NLGN1: variants seen among roughly 807,000 people sequenced by gnomAD.
The protein encoded by NLGN1 is neuroligin-1.
Under a neutral mutation model 65.5 loss-of-function variants are expected in NLGN1, and 12 were observed. The observed-to-expected ratio is 0.18, with a 90% CI of 0.12 to 0.30. NLGN1 has a LOEUF of 0.30. Among genes scored for constraint, NLGN1 ranks in the 10% least tolerant of loss-of-function variants. The pLI is 1.00. For missense variants in NLGN1, 750 were observed against 1,007.1 expected (o/e 0.74, Z 3.46); for synonymous variants, 350 against 359.5 (o/e 0.97, Z 0.30).
At chr3:173,907,020 T>C (rs1006142939) in intron 4 of NLGN1, among the ~76,000 whole-genome samples, 1 of 152,168 alleles carries the variant, frequency 6.6e-6, no homozygotes, top group Non-Finnish European at 1.5e-5. Context: ...TTGGGCATTT[T>C]CCTGCAAGAA....
chr3:173,977,569 A>G lies in NLGN1; in HGVS notation c.646+169737A>G, dbSNP rs896656961. On this transcript the variant is annotated intron_variant, in intron 4 of 6. Transcript: ENST00000457714. Reference sequence around the variant, plus strand: ...AGCAGGAATTAACAATTTTTATACTAGAAGACAGAGGTTCCAAGGATGACT... The same window carrying G: ...AGCAGGAATTAACAATTTTTATACTGGAAGACAGAGGTTCCAAGGATGACT... Among the ~76,000 whole-genome samples, 8 of 152,164 alleles carry G rather than the reference A, an allele frequency of 5.3e-5. No individual in the cohort carries two copies. In the East Asian group the frequency reaches 7.8e-4, roughly 15 times the overall value.
intron 1 of NLGN1, among the ~76,000 whole-genome samples, chr3:173,417,766 C>T (rs1055025733): frequency 6.6e-6 from 1 of 151,806 alleles, no homozygotes; most frequent in African/African-American, 2.4e-5. Context: ...TATTGTAATA[C>T]AAAACATAAA....
intron 4 of NLGN1, among the ~76,000 whole-genome samples, chr3:174,211,619 G>C (rs1000394288): frequency 1.3e-5 from 2 of 151,460 alleles, no homozygotes; most frequent in African/African-American, 2.4e-5. Flanking sequence ...ACAGAGTGTC[G>C]ATTGGTGCAC....
chr3:174,264,791 G>GT (rs1206745979), intron 4 of NLGN1, among the ~76,000 whole-genome samples: 2 of 151,980 alleles, frequency 1.3e-5, no homozygotes, highest in Non-Finnish European at 2.9e-5. Flanking sequence ...TTTCTGTTCT[G>GT]TTTGTTCCCC....
intron 4 of NLGN1, among the ~76,000 whole-genome samples, chr3:173,856,949 C>T (rs1728096726): frequency 1.3e-5 from 2 of 151,732 alleles, no homozygotes; most frequent in Admixed American, 6.6e-5. Context: ...CCAACAGTGC[C>T]CTGGCTCCTG....
At chr3:174,245,959 A>G (rs1397090302) in intron 4 of NLGN1, among the ~76,000 whole-genome samples, 1 of 152,200 alleles carries the variant, frequency 6.6e-6, no homozygotes, top group African/African-American at 2.4e-5. Context: ...ATAGAATTGT[A>G]CCCATTGTCA....
At chr3:173,446,235 T>TG in intron 2 of NLGN1, among the ~76,000 whole-genome samples, 1 of 148,100 alleles carries the variant, frequency 6.8e-6, no homozygotes, top group Middle Eastern at 3.5e-3. Context: ...CCCACAACAG[T>TG]CCCGGTGTGT....
At chr3:174,118,127 ATTGT>A (rs1203357988) in intron 4 of NLGN1, among the ~76,000 whole-genome samples, 5 of 152,146 alleles carry the variant, frequency 3.3e-5, no homozygotes, top group African/African-American at 1.2e-4. Context: ...AAATTCATAA[ATTGT>A]TTGAGCCATT....
intron 4 of NLGN1, among the ~76,000 whole-genome samples, chr3:174,120,755 A>T (rs1254890260): frequency 2.0e-5 from 3 of 152,142 alleles, no homozygotes; most frequent in Non-Finnish European, 4.4e-5. Flanking sequence ...TGGAGATTTA[A>T]TTGACAGAGG....
chr3:173,498,816 AT>A (rs1300937199), intron 2 of NLGN1, among the ~76,000 whole-genome samples: 3 of 151,434 alleles, frequency 2.0e-5, no homozygotes, highest in Non-Finnish European at 1.5e-5. Flanking sequence ...GATGATGAGC[AT>A]TTTTTCATGT....
At chr3:173,853,674 AAT>A (rs889077752) in intron 4 of NLGN1, among the ~76,000 whole-genome samples, 1 of 152,018 alleles carries the variant, frequency 6.6e-6, no homozygotes, top group African/African-American at 2.4e-5. Flanking sequence ...TTGACTTTGT[AAT>A]ATGTCTTTTG....
chr3:174,220,294 C>G (rs759663731), intron 4 of NLGN1, among the ~76,000 whole-genome samples: 39 of 151,970 alleles, frequency 2.6e-4, no homozygotes, highest in Admixed American at 3.3e-4. Flanking sequence ...ACTGAGTGGA[C>G]CAATAAAATC....
chr3:173,883,027 AT>A (rs1206886540), intron 4 of NLGN1, among the ~76,000 whole-genome samples: 1 of 146,988 alleles, frequency 6.8e-6, no homozygotes, highest in Non-Finnish European at 1.5e-5. Context: ...TGTGCTTACT[AT>A]AGTAGCACTT....
intron 1 of NLGN1, among the ~76,000 whole-genome samples, chr3:173,405,757 C>T (rs1013314828): frequency 9.9e-5 from 15 of 151,882 alleles, no homozygotes; most frequent in South Asian, 2.1e-4. Context: ...ACGAAGAGAC[C>T]GATGTCTGGG....
At chr3:173,919,926 C>T (rs1050804408) in intron 4 of NLGN1, among the ~76,000 whole-genome samples, 1 of 151,880 alleles carries the variant, frequency 6.6e-6, no homozygotes, top group Non-Finnish European at 1.5e-5. Flanking sequence ...AAAATATTAA[C>T]ATGGATACTG....
chr3:173,501,010 A>G (rs1476405119), intron 2 of NLGN1, among the ~76,000 whole-genome samples: 2 of 152,200 alleles, frequency 1.3e-5, no homozygotes, highest in African/African-American at 4.8e-5. Flanking sequence ...TACAGTAATC[A>G]AATGACCGTG....
chr3:173,785,966 G>T (rs1781891080), intron 3 of NLGN1, among the ~76,000 whole-genome samples: 1 of 152,098 alleles, frequency 6.6e-6, no homozygotes, highest in Non-Finnish European at 1.5e-5. Context: ...AGAGGAAAGG[G>T]TCAAAATCCT....
intron 3 of NLGN1, among the ~76,000 whole-genome samples, chr3:173,769,711 AAC>A (rs1779303041): frequency 6.6e-6 from 1 of 152,198 alleles, no homozygotes; most frequent in Non-Finnish European, 1.5e-5. Context: ...ACTGATTGGA[AAC>A]ACAGAAGAGT....
At chr3:173,747,079 C>T (rs983733697) in intron 3 of NLGN1, among the ~76,000 whole-genome samples, 59 of 150,408 alleles carry the variant, frequency 3.9e-4, no homozygotes, top group Admixed American at 9.3e-4. Context: ...CACACACACA[C>T]ACACACACAC....
Sources: gnomAD v4.1 joint callset for allele counts (sites outside exome capture counted in the v4.1 genomes callset) on GRCh38, gnomAD v4.1.1 for gene constraint, MANE v1.5 for transcripts, NCBI Gene and HGNC (gene_info 2026-07-23, HGNC 2026-07-21) for gene names.